The following EYS variants were observed in gnomAD, a reference collection of about 807,000 sequenced individuals.
EYS encodes protein eyes shut homolog.
EYS carries 250 observed loss-of-function variants against 282.1 expected under a neutral mutation model. That is an observed-to-expected ratio of 0.89 (90% CI 0.80 to 0.98). The LOEUF is 0.98. Among genes scored for constraint, EYS ranks in the 50% least tolerant of loss-of-function variants. The pLI is 0.00. For synonymous variants in EYS, 1,355 were observed against 1,282.9 expected (o/e 1.06, Z -1.20); for missense variants, 4,016 against 3,709.0 (o/e 1.08, Z -2.15).
chr6:65,364,458 T>C (rs1764835390), intron 8 of EYS, among the ~76,000 whole-genome samples: 2 of 151,506 alleles, frequency 1.3e-5, no homozygotes, highest in African/African-American at 4.8e-5. Flanking sequence ...TTTTTTCAAA[T>C]AGTCCACTCA....
At chr6:65,222,061 GC>G (rs1405623589) in intron 12 of EYS, among the ~76,000 whole-genome samples, 1 of 152,130 alleles carries the variant, frequency 6.6e-6, no homozygotes, top group Non-Finnish European at 1.5e-5. Context: ...TAACTAACTT[GC>G]TTTTGATTTT....
At chr6:64,637,849 C>G (rs1280565589) in intron 22 of EYS, among the ~76,000 whole-genome samples, 1 of 90,556 alleles carries the variant, frequency 1.1e-5, no homozygotes, top group Non-Finnish European at 2.4e-5. Flanking sequence ...CACCATGACA[C>G]ACGTTTACCT....
At chr6:65,261,064 T>C (rs2150258116) in intron 12 of EYS, among the ~76,000 whole-genome samples, 1 of 152,166 alleles carries the variant, frequency 6.6e-6, no homozygotes, top group Non-Finnish European at 1.5e-5. Context: ...TGCACTTCAC[T>C]GATCTTTAAA....
intron 22 of EYS, among the ~76,000 whole-genome samples, chr6:64,634,378 A>C (rs1273833577): frequency 6.6e-6 from 1 of 152,196 alleles, no homozygotes; most frequent in Non-Finnish European, 1.5e-5. Flanking sequence ...AAAATCTGTA[A>C]AGAAGACAAA....
chr6:65,123,442 G>T (rs534065571), intron 12 of EYS, among the ~76,000 whole-genome samples: 2 of 152,150 alleles, frequency 1.3e-5, no homozygotes, highest in East Asian at 3.9e-4. Flanking sequence ...ATTAAGTTGC[G>T]TATATGGACA....
intron 12 of EYS, among the ~76,000 whole-genome samples, chr6:65,066,315 C>T (rs1459978730): frequency 3.9e-5 from 6 of 152,074 alleles, no homozygotes; most frequent in Admixed American, 2.0e-4. Context: ...TTTGATTGTA[C>T]CTTTAGCAAT....
At chr6:64,902,311 A>G (rs887029972) in intron 17 of EYS, 91 bp from the exon 18 acceptor site, 3 of 1,295,208 alleles carry the variant, frequency 2.3e-6, no homozygotes, top group African/African-American at 1.5e-5. Context: ...TTTAATAATT[A>G]TAATTGTTGC....
At chr6:64,861,406 G>A (rs981383182) in intron 19 of EYS, among the ~76,000 whole-genome samples, 2 of 152,218 alleles carry the variant, frequency 1.3e-5, no homozygotes, top group Admixed American at 6.5e-5. Context: ...CTCTGAGCCA[G>A]TGAGGTCAGG....
chr6:65,344,406 A>C (rs1018954994), intron 9 of EYS, among the ~76,000 whole-genome samples: 5 of 151,646 alleles, frequency 3.3e-5, no homozygotes, highest in African/African-American at 1.2e-4. Context: ...AAGAAGAGAC[A>C]GCTCCCAGGC....
intron 26 of EYS, among the ~76,000 whole-genome samples, chr6:64,514,996 A>G (rs1777522543): frequency 6.6e-6 from 1 of 151,698 alleles, no homozygotes; most frequent in South Asian, 2.1e-4. Flanking sequence ...ATTTTTCTCT[A>G]TTGTCATAAT....
chr6:64,347,210 T>C (rs561196451), intron 29 of EYS, among the ~76,000 whole-genome samples: 31 of 151,552 alleles, frequency 2.0e-4, no homozygotes, highest in Non-Finnish European at 4.0e-4. Flanking sequence ...TTAATTACAA[T>C]ATATCTACCT....
At chr6:65,571,597 C>T (rs1367153040) in intron 2 of EYS, among the ~76,000 whole-genome samples, 3 of 151,914 alleles carry the variant, frequency 2.0e-5, no homozygotes, top group African/African-American at 4.8e-5. Context: ...ATAATCTGGT[C>T]TCCTATAGCC....
At chr6:65,634,022 A>C (rs1012566268) in intron 2 of EYS, among the ~76,000 whole-genome samples, 1 of 152,240 alleles carries the variant, frequency 6.6e-6, no homozygotes, top group Non-Finnish European at 1.5e-5. Flanking sequence ...CAGAAACTAC[A>C]GAAATCTCTA....
In EYS at chr6:65,440,831, GA is replaced by G. The variant is rs572804608; in HGVS notation, c.863-35465del. Among the ~76,000 whole-genome samples the G allele has an allele frequency of 3.0e-4, 43 of 142,680 alleles. No individual in the cohort carries two copies. In the East Asian group the frequency reaches 3.4e-3, roughly 11 times the overall value. 93.6% of individuals were successfully genotyped at this position (142,680 alleles called of 152,430 possible). A position where few individuals can be genotyped will look rare whatever the true frequency, so the allele number is the denominator to read the frequency against. ...TAACCTGACTTAATTCCTTTGTGTA[GA>G]AAAAAAATATGTGTATATATATATA... On this transcript the variant is annotated intron_variant, in intron 5 of 42. Coordinates refer to ENST00000503581, the MANE Select transcript of EYS (RefSeq NM_001142800.2).
rs1318944803 is a variant in EYS at position 64,443,491 on chromosome 6, G to C, written c.5645-4139C>G. 3.9e-5 allele frequency among the ~76,000 whole-genome samples: 6 copies of C among 152,242 alleles called. No individual in the cohort carries two copies. The East Asian group carries it at 1.2e-3, about 29-fold the overall frequency. ...TTGAAATGTGAAGATATGAGTTTTGGGAAGGGCCAGGTGTGAAATGATAAG... is the reference window on the plus strand; with the variant it reads ...TTGAAATGTGAAGATATGAGTTTTGCGAAGGGCCAGGTGTGAAATGATAAG... On this transcript the variant is annotated intron_variant, in intron 26 of 42. Coordinates refer to ENST00000503581, the MANE Select transcript of EYS (RefSeq NM_001142800.2).
chr6:65,271,554 A>G (rs1255037097), intron 12 of EYS, among the ~76,000 whole-genome samples: 1 of 151,892 alleles, frequency 6.6e-6, no homozygotes, highest in Non-Finnish European at 1.5e-5. Flanking sequence ...CTGGGAATCC[A>G]GTGGCCCAGT....
At chr6:64,298,835 A>G (rs1769130589) in intron 30 of EYS, among the ~76,000 whole-genome samples, 1 of 152,154 alleles carries the variant, frequency 6.6e-6, no homozygotes, top group Non-Finnish European at 1.5e-5. Flanking sequence ...GAAAGGATGG[A>G]AAAAAATAAA....
At chr6:65,642,466 G>A (rs980033207) in intron 1 of EYS, among the ~76,000 whole-genome samples, 6 of 152,084 alleles carry the variant, frequency 3.9e-5, no homozygotes, top group Admixed American at 2.6e-4. Flanking sequence ...ATTTGAATAC[G>A]TTAGATTACT....
rs998143684 is a variant in EYS, at chr6:64,848,655, A to C, written c.2993-25833T>G. On this transcript the variant is annotated intron_variant, in intron 19 of 42. Transcript: ENST00000503581. ...GGATGAGCTGAAGGATAAATGTCTT[A>C]GTTGTACTGAACAAGCGAATGCAGC... Among the ~76,000 whole-genome samples, 4 of 152,110 alleles carry C rather than the reference A, an allele frequency of 2.6e-5. No individual in the cohort carries two copies. In the East Asian group the frequency reaches 7.7e-4, roughly 29 times the overall value.
Sources: gnomAD v4.1 joint callset for allele counts (sites outside exome capture counted in the v4.1 genomes callset) on GRCh38, gnomAD v4.1.1 for gene constraint, MANE v1.5 for transcripts, NCBI Gene and HGNC (gene_info 2026-07-23, HGNC 2026-07-21) for gene names.